The following CELF2 variants were observed in gnomAD, a reference collection of about 807,000 sequenced individuals.
The protein encoded by CELF2 is CUG triplet repeat RNA-binding protein 2.
A neutral mutation model predicts 62.6 loss-of-function variants in CELF2; 8 were observed. That is an observed-to-expected ratio of 0.13 (90% CI 0.07 to 0.23). The LOEUF is 0.23. CELF2 is among the 10% of genes least tolerant of loss of function. The pLI, the probability that CELF2 is intolerant of heterozygous loss-of-function variation, is 1.00. For synonymous variants in CELF2, 258 were observed against 250.0 expected (o/e 1.03, Z -0.30); for missense variants, 333 against 671.0 (o/e 0.50, Z 5.56).
At chr10:10,923,914 T>C (rs1436831633) in intron 2 of CELF2, 1 of 152,168 alleles carries the variant, frequency 6.6e-6, no homozygotes, top group Non-Finnish European at 1.5e-5. Flanking sequence ...AATTTAGCAA[T>C]CTGAGCAGTT....
the CELF2 span, among the ~76,000 whole-genome samples, chr10:10,733,468 C>G: frequency 1.3e-5 from 2 of 152,060 alleles, no homozygotes; most frequent in Non-Finnish European, 2.9e-5. Context: ...ACAGACTCAG[C>G]TGAGACCTTA....
the CELF2 span, among the ~76,000 whole-genome samples, chr10:10,638,946 A>G: frequency 6.6e-6 from 1 of 152,186 alleles, no homozygotes; most frequent in Non-Finnish European, 1.5e-5. Context: ...TAGATCCCCA[A>G]TCAGAGGAGC....
chr10:10,508,322 T>C, the CELF2 span, among the ~76,000 whole-genome samples: 2 of 152,314 alleles, frequency 1.3e-5, no homozygotes, highest in African/African-American at 4.8e-5. Flanking sequence ...TACTTGAACA[T>C]GGAAATGCCA....
chr10:11,001,941 A>C (rs2137010667), upstream of CELF2, among the ~76,000 whole-genome samples: 1 of 152,360 alleles, frequency 6.6e-6, no homozygotes, highest in Non-Finnish European at 1.5e-5. Flanking sequence ...TTTGGAATAA[A>C]GTTTGAAAGG....
At chr10:10,736,396 C>CTTTCTTTCTTTCTTT in the CELF2 span, among the ~76,000 whole-genome samples, 344 of 75,904 alleles carry the variant, frequency 4.5e-3, 4 homozygotes, top group African/African-American at 0.015. Flanking sequence ...TTCTTTCTTT[C>CTTTCTTTCTTTCTTT]TTTTTTTTTT....
intron 8 of CELF2, among the ~76,000 whole-genome samples, chr10:11,277,097 G>A (rs2086419098): frequency 6.6e-6 from 1 of 152,218 alleles, no homozygotes; most frequent in Admixed American, 6.5e-5. Context: ...AGTCTTCAAG[G>A]TGTAGCTGTC....
intron 2 of CELF2, among the ~76,000 whole-genome samples, chr10:11,216,915 A>T (rs975443294): frequency 1.3e-5 from 2 of 152,264 alleles, no homozygotes; most frequent in Admixed American, 6.5e-5. Context: ...AGAACTTTAC[A>T]TCATGTAATG....
intron 2 of CELF2, among the ~76,000 whole-genome samples, chr10:11,179,298 A>T (rs904236881): frequency 6.6e-6 from 1 of 152,082 alleles, no homozygotes; most frequent in African/African-American, 2.4e-5. Flanking sequence ...AAAAAATCAA[A>T]GCTCCACGCA....
At position 11,177,905 on chromosome 10, in the gene CELF2, G is replaced by C. The variant is rs1400699870; in HGVS notation, c.271+12223G>C. Among the ~76,000 whole-genome samples, 5 of 152,122 alleles carry C rather than the reference G, an allele frequency of 3.3e-5. No homozygotes were observed. The highest frequency in any genetic ancestry group is 5.9e-5 in the Non-Finnish European group (4 of 68,024). ...CAGTTGCAGTGCCCGTCACTCTCTG[G>C]GTGAAGCCAGTATGTCCTGGTGGTG... is the stretch of plus-strand genomic sequence containing the variant. On this transcript the variant is annotated intron_variant, in intron 2 of 12. Transcript: ENST00000633077. The surrounding 1 kb of genome is among the most constrained non-coding windows in gnomAD (Gnocchi z 4.8).
chr10:10,705,406 T>A, the CELF2 span, among the ~76,000 whole-genome samples: 5 of 150,322 alleles, frequency 3.3e-5, no homozygotes, highest in African/African-American at 4.9e-5. Flanking sequence ...GACTTTTCCT[T>A]AGCCATGGAG....
intron 1 of CELF2, among the ~76,000 whole-genome samples, chr10:10,847,367 C>A (rs1015054120): frequency 2.6e-5 from 4 of 152,068 alleles, no homozygotes; most frequent in Non-Finnish European, 5.9e-5. Flanking sequence ...GTGATGATAT[C>A]ATCTGACCTA....
intron 1 of CELF2, among the ~76,000 whole-genome samples, chr10:10,873,079 C>T (rs1278930440): frequency 1.3e-5 from 2 of 152,166 alleles, no homozygotes; most frequent in Admixed American, 1.3e-4. Flanking sequence ...GGCTTATGTA[C>T]ACACATATAT....
the CELF2 span, among the ~76,000 whole-genome samples, chr10:10,694,351 G>T: frequency 6.6e-6 from 1 of 150,804 alleles, no homozygotes; most frequent in Non-Finnish European, 1.5e-5. Flanking sequence ...CTGAGTTCTA[G>T]TTTGATTGCA....
chr10:11,275,053 G>T lies in CELF2; in HGVS notation c.778-4G>T, dbSNP rs749193849. On this transcript the variant is annotated splice_polypyrimidine_tract_variant and splice_region_variant and intron_variant, in intron 7 of 12. Transcript: ENST00000633077. ...CCACTTTGCCCTTGTGTGTTCATCC[G>T]CAGCTCCTGCAGCAGGCCACCTCCT... The T allele has an allele frequency of 1.3e-5, 21 of 1,613,858 alleles. No individual in the cohort carries two copies. Among genetic ancestry groups the T allele is most frequent in the Admixed American group, 1.7e-5 (1 of 59,998 alleles).
the CELF2 span, among the ~76,000 whole-genome samples, chr10:10,561,047 G>T: frequency 1.3e-5 from 2 of 152,088 alleles, no homozygotes; most frequent in African/African-American, 4.8e-5. Flanking sequence ...ACAGATAAAA[G>T]ATATTAAATA....
intron 3 of CELF2, among the ~76,000 whole-genome samples, chr10:11,241,741 C>T (rs918308259): frequency 2.6e-5 from 4 of 152,102 alleles, no homozygotes; most frequent in African/African-American, 9.7e-5. Flanking sequence ...GAATTAGAGT[C>T]ACTCATGAGG....
At chr10:10,700,503 A>C in the CELF2 span, among the ~76,000 whole-genome samples, 1 of 152,192 alleles carries the variant, frequency 6.6e-6, no homozygotes, top group African/African-American at 2.4e-5. Flanking sequence ...TAGCATAAAG[A>C]TTCCTCTGGG....
At chr10:10,660,086 C>A in the CELF2 span, among the ~76,000 whole-genome samples, 1 of 152,276 alleles carries the variant, frequency 6.6e-6, no homozygotes, top group South Asian at 2.1e-4. Context: ...CCTCTAGAAG[C>A]AGGAAATGGC....
chr10:10,753,041 G>T, the CELF2 span, among the ~76,000 whole-genome samples: 2 of 151,998 alleles, frequency 1.3e-5, no homozygotes, highest in African/African-American at 2.4e-5. Context: ...CTACGTTGTG[G>T]GTTGCAACTA....
Sources: gnomAD v4.1 joint callset for allele counts (sites outside exome capture counted in the v4.1 genomes callset) on GRCh38, gnomAD v4.1.1 for gene constraint, Gnocchi (gnomAD v3.1) non-coding constraint, MANE v1.5 for transcripts, NCBI Gene and HGNC (gene_info 2026-07-23, HGNC 2026-07-21) for gene names.